RNF220: variants seen among roughly 807,000 people sequenced by gnomAD.
RNF220 encodes E3 ubiquitin-protein ligase RNF220.
A neutral mutation model predicts 67.1 loss-of-function variants in RNF220; 7 were observed. The ratio of observed to expected loss-of-function variants is 0.10; its 90% confidence interval spans 0.06 to 0.20. The LOEUF is 0.20. Among genes scored for constraint, RNF220 ranks in the 10% least tolerant of loss-of-function variants. The probability of loss-of-function intolerance (pLI) is 1.00; values close to 1 mark genes in which losing one functional copy is unlikely to be tolerated. For missense variants in RNF220, 565 were observed against 740.3 expected, an observed-to-expected ratio of 0.76 and a Z score of 2.75; for synonymous variants, 270 against 283.2, an observed-to-expected ratio of 0.95 and a Z score of 0.47.
chr1:44,522,754 G>A (rs1435283160), intron 2 of RNF220, among the ~76,000 whole-genome samples: 2 of 152,184 alleles, frequency 1.3e-5, no homozygotes, highest in Non-Finnish European at 2.9e-5. Flanking sequence ...GGAAAGTAGG[G>A]AAACTCGATC....
chr1:44,435,948 A>T (rs1010800039), intron 2 of RNF220, among the ~76,000 whole-genome samples: 1 of 152,102 alleles, frequency 6.6e-6, no homozygotes, highest in Non-Finnish European at 1.5e-5. Flanking sequence ...AGGAAAAAAA[A>T]AATGGAAGAA....
chr1:44,552,048 C>T (rs930293676), intron 2 of RNF220, among the ~76,000 whole-genome samples: 1 of 152,312 alleles, frequency 6.6e-6, no homozygotes, highest in South Asian at 2.1e-4. Flanking sequence ...GCCACCAAAC[C>T]GTGGACAGCA....
intron 2 of RNF220, among the ~76,000 whole-genome samples, chr1:44,597,097 G>A (rs76705946): frequency 0.025 from 3,808 of 152,284 alleles, 171 homozygotes; most frequent in East Asian, 0.17. Flanking sequence ...CAGATGCTGT[G>A]CTATAGAGTG....
chr1:44,526,940 C>T (rs952660397), intron 2 of RNF220, among the ~76,000 whole-genome samples: 67 of 152,048 alleles, frequency 4.4e-4, no homozygotes, highest in Non-Finnish European at 5.6e-4. Flanking sequence ...TGGATCTTAT[C>T]TACTTCTACT....
chr1:44,450,479 T>C (rs931280347), intron 2 of RNF220, among the ~76,000 whole-genome samples: 2 of 152,214 alleles, frequency 1.3e-5, no homozygotes, highest in African/African-American at 2.4e-5. Flanking sequence ...GTTTAATAGG[T>C]ACCCTTGAAG....
chr1:44,621,599 G>C lies in RNF220; in HGVS notation c.759-1143G>C, dbSNP rs1248115319. Among the ~76,000 whole-genome samples the C allele has an allele frequency of 6.6e-6, 1 of 152,148 alleles. No individual in the cohort carries two copies. Among genetic ancestry groups the C allele is most frequent in the African/African-American group, 2.4e-5 (1 of 41,416 alleles). On this transcript the variant is annotated intron_variant, in intron 3 of 14. Coordinates refer to ENST00000361799, the MANE Select transcript of RNF220 (RefSeq NM_018150.4). This position sits in a 1 kb window ranked among gnomAD's most constrained non-coding sequence, Gnocchi z 4.8. ...CCCCTTCTCCCCTGTCCCCCACTGA[G>C]AGTCACTGCTGCATCTGAATCTGCC...
intron 2 of RNF220, chr1:44,572,910 A>G: frequency 3.4e-6 from 1 of 290,892 alleles, no homozygotes; most frequent in Admixed American, 3.7e-5. Context: ...CCAAGTAAAC[A>G]ATGAAGGGAA....
intron 2 of RNF220, among the ~76,000 whole-genome samples, chr1:44,570,034 C>T (rs567081561): frequency 6.6e-6 from 1 of 152,302 alleles, no homozygotes; most frequent in South Asian, 2.1e-4. Flanking sequence ...GGCGCTGCCC[C>T]TAAAGGCCTT....
chr1:44,644,513 G>T, intron 8 of RNF220, 185 bp from the exon 9 acceptor site: 1 of 581,414 alleles, frequency 1.7e-6, no homozygotes. Flanking sequence ...GATGAGGTTT[G>T]CAGAGTGAAG....
At chr1:44,437,107 G>C (rs1305668803) in intron 2 of RNF220, among the ~76,000 whole-genome samples, 1 of 152,216 alleles carries the variant, frequency 6.6e-6, no homozygotes, top group Non-Finnish European at 1.5e-5. Context: ...AGAGAAGTAA[G>C]TATTTAGAAG....
intron 2 of RNF220, among the ~76,000 whole-genome samples, chr1:44,502,111 T>C (rs1657964188): frequency 1.4e-5 from 2 of 142,330 alleles, no homozygotes; most frequent in Non-Finnish European, 1.5e-5. Context: ...TTTGTAAGGC[T>C]CCTGGCTGCA....
chr1:44,633,563 A>G (rs549747506), intron 6 of RNF220, among the ~76,000 whole-genome samples: 1 of 152,256 alleles, frequency 6.6e-6, no homozygotes, highest in Non-Finnish European at 1.5e-5. Flanking sequence ...GATGAAGCCC[A>G]GTCCATTGGG....
At chr1:44,603,662 T>C (rs1034272764) in intron 2 of RNF220, among the ~76,000 whole-genome samples, 1 of 152,132 alleles carries the variant, frequency 6.6e-6, no homozygotes. Flanking sequence ...CCCCTCAGCC[T>C]TAGCAGCACG....
intron 1 of RNF220, among the ~76,000 whole-genome samples, chr1:44,407,585 G>C (rs1445005993): frequency 1.3e-5 from 2 of 152,078 alleles, no homozygotes; most frequent in African/African-American, 4.8e-5. Context: ...GCGTCGCGCC[G>C]CTGGTGGCCG....
At chr1:44,413,502 A>G (rs533905549) in intron 2 of RNF220, among the ~76,000 whole-genome samples, 69 of 152,368 alleles carry the variant, frequency 4.5e-4, no homozygotes, top group African/African-American at 1.6e-3. Context: ...TATAGCTGGA[A>G]CTAAACCTTT....
intron 2 of RNF220, among the ~76,000 whole-genome samples, chr1:44,601,474 T>C (rs1666913486): frequency 6.6e-6 from 1 of 152,028 alleles, no homozygotes; most frequent in African/African-American, 2.4e-5. Context: ...AAGGAGAAGA[T>C]GCAGTAGAGA....
chr1:44,597,592 T>C (rs1666609068), intron 2 of RNF220, among the ~76,000 whole-genome samples: 1 of 151,618 alleles, frequency 6.6e-6, no homozygotes, highest in African/African-American at 2.4e-5. Flanking sequence ...ACACAACATG[T>C]CTGTTATGCA....
chr1:44,437,991 A>G (rs372344522), intron 2 of RNF220, among the ~76,000 whole-genome samples: 3 of 152,212 alleles, frequency 2.0e-5, no homozygotes, highest in East Asian at 3.8e-4. Flanking sequence ...CTGTTTCTCA[A>G]ACTCTTCTGG....
chr1:44,493,385 G>C (rs1657031143), intron 2 of RNF220, among the ~76,000 whole-genome samples: 1 of 152,068 alleles, frequency 6.6e-6, no homozygotes, highest in Non-Finnish European at 1.5e-5. Flanking sequence ...ATGGTGGCGG[G>C]TGCCTGTAAT....
Sources: gnomAD v4.1 joint callset for allele counts (sites outside exome capture counted in the v4.1 genomes callset) on GRCh38, gnomAD v4.1.1 for gene constraint, Gnocchi (gnomAD v3.1) non-coding constraint, MANE v1.5 for transcripts, NCBI Gene and HGNC (gene_info 2026-07-23, HGNC 2026-07-21) for gene names.